Variants in ACADL observed in about 807,000 individuals in gnomAD.
The protein encoded by ACADL is acyl-CoA dehydrogenase long chain.
A neutral mutation model predicts 56.9 loss-of-function variants in ACADL; 60 were observed. The ratio of observed to expected loss-of-function variants is 1.05; its 90% confidence interval spans 0.86 to 1.31. The LOEUF is 1.31. Ranked by LOEUF, ACADL falls within the 50% of genes most tolerant of loss-of-function variation. The pLI is 0.00. For synonymous variants in ACADL, 158 were observed against 179.7 expected (o/e 0.88, Z 0.97); for missense variants, 484 against 525.5 (o/e 0.92, Z 0.77).
At chr2:210,197,060 G>C (rs1688721178) in intron 8 of ACADL, among the ~76,000 whole-genome samples, 1 of 152,142 alleles carries the variant, frequency 6.6e-6, no homozygotes, top group Non-Finnish European at 1.5e-5. Context: ...GAGTAGAATG[G>C]GAGTGTAAAA....
intron 4 of ACADL, among the ~76,000 whole-genome samples, 163 bp downstream of exon 4, chr2:210,216,184 A>G (rs1342626280): frequency 6.6e-6 from 1 of 152,206 alleles, no homozygotes; most frequent in African/African-American, 2.4e-5. Flanking sequence ...AGCTTACATT[A>G]TAATCCGCTT....
Position 210,218,021 on chromosome 2 carries a change from C to A in ACADL, c.315G>T (p.Glu105Asp). ...GATCCCCTCCAATTCCACCAAGATG[C>A]TCTGCAATATTGACACCAAGCAGTC... is the stretch of plus-strand genomic sequence containing the variant. ...KQGLLGVNIA[E>D]HLGGIGGDLY... Residue 105 changes from glutamate to aspartate, a missense_variant, in exon 3 of 11, where the codon GAG becomes GAT. Glu to Asp is a conservative substitution (Grantham distance 45). Transcript: ENST00000233710. 6.2e-7 allele frequency: 1 copy of A among 1,614,064 alleles called. No homozygotes were observed. The highest frequency in any genetic ancestry group is 8.5e-7 in the Non-Finnish European group (1 of 1,180,006).
At chr2:210,199,036 G>C (rs922193439) in intron 8 of ACADL, among the ~76,000 whole-genome samples, 1 of 152,052 alleles carries the variant, frequency 6.6e-6, no homozygotes, top group Non-Finnish European at 1.5e-5. Flanking sequence ...GGATAACAAA[G>C]AGAATGGAAA....
Position 210,218,026 on chromosome 2 carries a change from C to T in ACADL, c.310G>A (p.Ala104Thr), listed in dbSNP as rs376324574. 3 of 1,614,038 alleles carry T rather than the reference C, an allele frequency of 1.9e-6. No homozygotes were observed. The highest frequency in any genetic ancestry group is 2.5e-6 in the Non-Finnish European group (3 of 1,179,984). Residue 104 changes from alanine to threonine, a missense_variant, in exon 3 of 11, where the codon GCA becomes ACA. Coordinates refer to ENST00000233710, the MANE Select transcript of ACADL (RefSeq NM_001608.4). Reference sequence around the variant, plus strand: ...CCTCCAATTCCACCAAGATGCTCTGCAATATTGACACCAAGCAGTCCTTGT... The same window carrying T: ...CCTCCAATTCCACCAAGATGCTCTGTAATATTGACACCAAGCAGTCCTTGT... ...GKQGLLGVNI[A>T]EHLGGIGGDL...
chr2:210,223,462 C>A (rs1689210621), intron 1 of ACADL, among the ~76,000 whole-genome samples: 1 of 152,176 alleles, frequency 6.6e-6, no homozygotes, highest in African/African-American at 2.4e-5. Flanking sequence ...CCCAGACCCA[C>A]TGAATCAGAA....
At chr2:210,194,709 C>T (rs886681834) in intron 9 of ACADL, among the ~76,000 whole-genome samples, 2 of 152,140 alleles carry the variant, frequency 1.3e-5, no homozygotes, top group African/African-American at 2.4e-5. Context: ...TAGAAAAATC[C>T]TGTCCAACTT....
Position 210,225,254 on chromosome 2 carries a change from G to C in ACADL, c.10C>G (p.Arg4Gly). 1 of 1,557,240 alleles carries C rather than the reference G, an allele frequency of 6.4e-7. No homozygotes were observed. The highest frequency in any genetic ancestry group is 8.6e-7 in the Non-Finnish European group (1 of 1,157,452). The stretch of plus-strand genomic sequence containing the variant: ...ACGCGTAGGGACCCTCGGAGAAGGC[G>C]TGCGGCCATGTCCGAAACACAGGGG... MAA[R>G]LLRGSLRVLG... The change falls in exon 1 of 11, where the codon CGC becomes GGC. Residue 4 changes from arginine (R) to glycine (G), a missense_variant. Physicochemically the swap from Arg to Gly is moderately radical, Grantham distance 125. Coordinates refer to ENST00000233710, the MANE Select transcript of ACADL (RefSeq NM_001608.4).
intron 3 of ACADL, among the ~76,000 whole-genome samples, chr2:210,217,034 A>G (rs1007217750): frequency 6.7e-6 from 1 of 150,204 alleles, no homozygotes; most frequent in African/African-American, 2.5e-5. Flanking sequence ...ACACAAATAA[A>G]AATTTAAAAT....
intron 1 of ACADL, among the ~76,000 whole-genome samples, chr2:210,223,145 G>A (rs1689204675): frequency 6.6e-6 from 1 of 152,118 alleles, no homozygotes; most frequent in African/African-American, 2.4e-5. Flanking sequence ...GAAAGCAAAA[G>A]AAATGCCAAA....
Position 210,225,234 on chromosome 2 carries a change from T to C in ACADL, c.30A>G (p.Leu10=). The C allele has an allele frequency of 1.9e-6, 3 of 1,555,644 alleles. No homozygotes were observed. The highest frequency in any genetic ancestry group is 2.6e-6 in the Non-Finnish European group (3 of 1,156,764). The change falls in exon 1 of 11, where the codon CTA becomes CTG. Residue 10 remains leucine, a synonymous_variant. Coordinates refer to ENST00000233710, the MANE Select transcript of ACADL (RefSeq NM_001608.4). MAARLLRGS[L]RVLGGHRAPR... is the part of the protein sequence containing the mutation. ...GCGCACGGTGGCCGCCCAGGACGCG[T>C]AGGGACCCTCGGAGAAGGCGTGCGG... is the stretch of plus-strand genomic sequence containing the variant.
chr2:210,223,920 TC>T (rs1242697413), intron 1 of ACADL, among the ~76,000 whole-genome samples: 1 of 152,056 alleles, frequency 6.6e-6, no homozygotes, highest in East Asian at 1.9e-4. Context: ...TAAACAAAAG[TC>T]CTTTGAGGTC....
chr2:210,219,149 T>C (rs936726797), intron 2 of ACADL, among the ~76,000 whole-genome samples: 25 of 152,370 alleles, frequency 1.6e-4, no homozygotes, highest in African/African-American at 5.5e-4. Flanking sequence ...AAAGTAGCTT[T>C]GGAAATATTT....
intron 5 of ACADL, among the ~76,000 whole-genome samples, chr2:210,209,255 C>T (rs1037481013): frequency 2.0e-5 from 3 of 152,168 alleles, no homozygotes; most frequent in African/African-American, 7.2e-5. Context: ...TGTTTTAGAA[C>T]AGTAAATAAA....
intron 4 of ACADL, among the ~76,000 whole-genome samples, chr2:210,215,742 T>C (rs892434313): frequency 1.3e-5 from 2 of 152,196 alleles, no homozygotes; most frequent in African/African-American, 4.8e-5. Flanking sequence ...AAACATACCA[T>C]TAGTCTACAG....
Position 210,225,422 on chromosome 2 carries a change from G to T in ACADL, c.-159C>A, listed in dbSNP as rs1421249640. On this transcript the variant is annotated 5_prime_UTR_variant, in exon 1 of 11. Coordinates refer to ENST00000233710, the MANE Select transcript of ACADL (RefSeq NM_001608.4). ...CGCGCCCTTCCGGAGCCCCAACCAC[G>T]CCACAGGCTGGTCGCGAGGGAATAC... The T allele has an allele frequency of 1.2e-5, 9 of 723,572 alleles. No homozygotes were observed. The highest frequency in any genetic ancestry group is 2.9e-5 in the Admixed American group (1 of 34,454). 44.8% of individuals were successfully genotyped at this position (723,572 alleles called of 1,614,324 possible).
chr2:210,215,025 T>C (rs1185184141), intron 4 of ACADL, among the ~76,000 whole-genome samples: 1 of 151,892 alleles, frequency 6.6e-6, no homozygotes, highest in East Asian at 1.9e-4. Context: ...GAAAAGAAAA[T>C]CTTACAATAA....
chr2:210,222,490 TAAAAA>T (rs1575683567), intron 1 of ACADL, among the ~76,000 whole-genome samples: 1 of 54,322 alleles, frequency 1.8e-5, no homozygotes, highest in East Asian at 4.6e-4. Context: ...GCCTTGTCAC[TAAAAA>T]CAAACAAACA....
At chr2:210,221,068 C>T (rs1436408343) in intron 1 of ACADL, among the ~76,000 whole-genome samples, 2 of 151,810 alleles carry the variant, frequency 1.3e-5, no homozygotes, top group East Asian at 3.9e-4. Context: ...ATGCCTAGAA[C>T]TAACCACAGG....
chr2:210,220,838 GA>G (rs1389689453), intron 1 of ACADL, 36 bp from the exon 2 acceptor site: 3 of 1,493,526 alleles, frequency 2.0e-6, no homozygotes, highest in Admixed American at 1.9e-5. Flanking sequence ...AAAAGTAAGT[GA>G]ATTGTTACTC....
Sources: gnomAD v4.1 joint callset for allele counts (sites outside exome capture counted in the v4.1 genomes callset) on GRCh38, gnomAD v4.1.1 for gene constraint, MANE v1.5 for transcripts, NCBI Gene and HGNC (gene_info 2026-07-23, HGNC 2026-07-21) for gene names.